Variants in RUNDC3B observed in about 807,000 individuals in gnomAD.
RUNDC3B encodes RUN domain-containing protein 3B.
In RUNDC3B, 33 loss-of-function variants were observed where a neutral mutation model predicts 58.4. That is an observed-to-expected ratio of 0.56 (90% confidence interval 0.43 to 0.75). RUNDC3B has a LOEUF of 0.75. Among genes scored for constraint, RUNDC3B ranks in the 30% least tolerant of loss-of-function variants. RUNDC3B has a pLI of 0.00. For synonymous variants in RUNDC3B, 193 were observed against 195.2 expected, an observed-to-expected ratio of 0.99 and a Z score of 0.10; for missense variants, 501 against 535.7, an observed-to-expected ratio of 0.94 and a Z score of 0.64.
rs979500744 is a variant in RUNDC3B at position 87,629,049 on chromosome 7, A to C, written c.122+104A>C. On this transcript the variant is annotated intron_variant, in intron 1 of 10. Coordinates refer to ENST00000394654, the MANE Select transcript of RUNDC3B (RefSeq NM_001134405.2). ...TCCCGGGCATGATGGGCTGCCGCCC[A>C]GTGCCCCCGCCTATGTTGCGCCAGC... The C allele has an allele frequency of 7.2e-6, 8 of 1,104,958 alleles. No homozygotes were observed. The African/African-American group carries it at 1.3e-4, about 18-fold the overall frequency. 68.4% of individuals were successfully genotyped at this position (1,104,958 alleles called of 1,614,324 possible). A position where few individuals can be genotyped will look rare whatever the true frequency, so the allele number is the denominator to read the frequency against.
intron 4 of RUNDC3B, among the ~76,000 whole-genome samples, chr7:87,725,463 G>A (rs900188485): frequency 2.0e-5 from 3 of 152,136 alleles, no homozygotes; most frequent in African/African-American, 7.2e-5. Context: ...GTGTATGTGT[G>A]CCACATTTTC....
intron 2 of RUNDC3B, among the ~76,000 whole-genome samples, chr7:87,667,737 G>A (rs1825405983): frequency 1.3e-5 from 2 of 152,034 alleles, no homozygotes; most frequent in African/African-American, 2.4e-5. Context: ...TGTCTATTGA[G>A]ATAATCATAT....
chr7:87,690,625 T>C (rs1827921665), intron 2 of RUNDC3B, among the ~76,000 whole-genome samples: 1 of 152,174 alleles, frequency 6.6e-6, no homozygotes, highest in Non-Finnish European at 1.5e-5. Context: ...TGAATTACAG[T>C]ACTGTAGCAT....
chr7:87,645,151 C>T (rs1822867094), intron 1 of RUNDC3B, among the ~76,000 whole-genome samples: 1 of 149,542 alleles, frequency 6.7e-6, no homozygotes, highest in African/African-American at 2.5e-5. Context: ...GGCACGATCT[C>T]GGATCACTGC....
intron 2 of RUNDC3B, among the ~76,000 whole-genome samples, chr7:87,663,852 C>T (rs1018789458): frequency 2.0e-5 from 3 of 152,086 alleles, no homozygotes; most frequent in Admixed American, 6.6e-5. Flanking sequence ...GGTGGTTGGT[C>T]GTCTTCTCAC....
intron 3 of RUNDC3B, among the ~76,000 whole-genome samples, chr7:87,701,306 G>A (rs1829015634): frequency 6.6e-6 from 1 of 152,312 alleles, no homozygotes; most frequent in African/African-American, 2.4e-5. Flanking sequence ...CAAGGAAACA[G>A]CTGACAGTAT....
At chr7:87,694,027 G>A in intron 2 of RUNDC3B, 2 of 1,590,274 alleles carry the variant, frequency 1.3e-6, no homozygotes, top group Non-Finnish European at 1.7e-6. Context: ...TTCGGGGGAG[G>A]GCTGTATCAG....
intron 8 of RUNDC3B, among the ~76,000 whole-genome samples, chr7:87,802,127 C>T (rs1563219304): frequency 6.6e-6 from 1 of 152,184 alleles, no homozygotes; most frequent in Non-Finnish European, 1.5e-5. Context: ...TGCAGTGGCT[C>T]ACACCTGTAA....
chr7:87,632,319 A>T lies in RUNDC3B; in HGVS notation c.122+3374A>T, dbSNP rs1432953395. ...AGCTTTGAAAGTGGGTTGTTTAGATAGGTAAGATAATCAGATAAAGAGCTG... is the reference window on the plus strand; with the variant it reads ...AGCTTTGAAAGTGGGTTGTTTAGATTGGTAAGATAATCAGATAAAGAGCTG... On this transcript the variant is annotated intron_variant, in intron 1 of 10. Coordinates refer to ENST00000394654, the MANE Select transcript of RUNDC3B (RefSeq NM_001134405.2). Among the ~76,000 whole-genome samples, 3 of 152,226 alleles carry T rather than the reference A, an allele frequency of 2.0e-5. No individual in the cohort carries two copies. In the South Asian group the frequency reaches 6.2e-4, roughly 31 times the overall value.
intron 6 of RUNDC3B, among the ~76,000 whole-genome samples, chr7:87,754,132 TA>T (rs1833209590): frequency 6.6e-6 from 1 of 152,150 alleles, no homozygotes; most frequent in Non-Finnish European, 1.5e-5. Context: ...AATAACAGAA[TA>T]TACATTCTTC....
chr7:87,634,501 G>A (rs1229910183), intron 1 of RUNDC3B, among the ~76,000 whole-genome samples: 1 of 134,108 alleles, frequency 7.5e-6, no homozygotes, highest in Non-Finnish European at 1.6e-5. Context: ...GGGTGGGGGG[G>A]GGGGCACCTG....
At position 87,772,858 on chromosome 7, in the gene RUNDC3B, C is replaced by G. The variant is rs551366154; in HGVS notation, c.798+2109C>G. Among the ~76,000 whole-genome samples, 12 of 151,784 alleles carry G rather than the reference C, an allele frequency of 7.9e-5. No individual in the cohort carries two copies. In the East Asian group the frequency reaches 1.5e-3, roughly 20 times the overall value. On this transcript the variant is annotated intron_variant, in intron 7 of 10. Coordinates refer to ENST00000394654, the MANE Select transcript of RUNDC3B (RefSeq NM_001134405.2). ...AATAATTATAAAATTTAGCTGTATG[C>G]TATTGATAAGAGAGACACATAACAC...
rs1042277697 is a variant in RUNDC3B, at chr7:87,739,973, C to T, written c.548+93C>T. On this transcript the variant is annotated intron_variant, in intron 5 of 10. Transcript: ENST00000394654. ...TTCTTTCAGTTGTCTAAGTAAAGCA[C>T]ACAGTTGGATATTGTTATTTGATTC... The T allele has an allele frequency of 5.6e-6, 3 of 537,908 alleles. No homozygotes were observed. In the Admixed American group the frequency reaches 8.5e-5, roughly 15 times the overall value. 33.3% of individuals were successfully genotyped at this position (537,908 alleles called of 1,614,324 possible).
chr7:87,731,117 A>G lies in RUNDC3B; in HGVS notation c.459-8674A>G, dbSNP rs191497695. Among the ~76,000 whole-genome samples, 672 of 152,188 alleles carry G rather than the reference A, an allele frequency of 4.4e-3. 3 individuals carry two copies. Among genetic ancestry groups the G allele is most frequent in the Non-Finnish European group, 6.2e-3 (419 of 68,008 alleles). On this transcript the variant is annotated intron_variant, in intron 4 of 10. Transcript: ENST00000394654. Reference sequence around the variant, plus strand: ...AAAAACTTGCCAAGGACATGTATAAACAATCCAAGACTGCAAAAATTACAA... The same window carrying G: ...AAAAACTTGCCAAGGACATGTATAAGCAATCCAAGACTGCAAAAATTACAA...
intron 6 of RUNDC3B, among the ~76,000 whole-genome samples, chr7:87,745,176 C>A (rs773096354): frequency 6.6e-6 from 1 of 152,120 alleles, no homozygotes; most frequent in Non-Finnish European, 1.5e-5. Flanking sequence ...CCCACTTGAT[C>A]ATGATAGATT....
chr7:87,726,225 G>A (rs555705634), intron 4 of RUNDC3B, among the ~76,000 whole-genome samples: 3 of 152,154 alleles, frequency 2.0e-5, no homozygotes, highest in African/African-American at 7.2e-5. Flanking sequence ...GTGGTTTTAG[G>A]TCTAACATTT....
At chr7:87,747,975 T>C (rs1832744141) in intron 6 of RUNDC3B, among the ~76,000 whole-genome samples, 1 of 152,166 alleles carries the variant, frequency 6.6e-6, no homozygotes, top group African/African-American at 2.4e-5. Context: ...GGATTTGCGC[T>C]CTTCCCCGAG....
chr7:87,776,702 TA>T (rs1563202551), intron 7 of RUNDC3B, among the ~76,000 whole-genome samples: 1 of 151,990 alleles, frequency 6.6e-6, no homozygotes, highest in Non-Finnish European at 1.5e-5. Flanking sequence ...TATTCATTTA[TA>T]AAAATTAACT....
chr7:87,822,481 T>A lies in RUNDC3B; in HGVS notation c.1225+6219T>A, dbSNP rs565675635. Reference sequence around the variant, plus strand: ...CAACCATTGTGGAAGTCAGTGTGGCTATTCCTCAGGGATCTAGAACTAGAA... The same window carrying A: ...CAACCATTGTGGAAGTCAGTGTGGCAATTCCTCAGGGATCTAGAACTAGAA... On this transcript the variant is annotated intron_variant, in intron 10 of 10. Transcript: ENST00000394654. Among the ~76,000 whole-genome samples, 630 of 152,276 alleles carry A rather than the reference T, an allele frequency of 4.1e-3. 3 individuals are homozygous for A. The highest frequency in any genetic ancestry group is 0.014 in the Middle Eastern group (4 of 294).
Sources: gnomAD v4.1 joint callset for allele counts (sites outside exome capture counted in the v4.1 genomes callset) on GRCh38, gnomAD v4.1.1 for gene constraint, MANE v1.5 for transcripts, NCBI Gene and HGNC (gene_info 2026-07-23, HGNC 2026-07-21) for gene names.